Variants in ADAMTS9 observed in about 807,000 individuals in gnomAD.
ADAMTS9 encodes A disintegrin and metalloproteinase with thrombospondin motifs 9.
In ADAMTS9, 107 loss-of-function variants were observed where a neutral mutation model predicts 257.1. The ratio of observed to expected loss-of-function variants is 0.42; its 90% CI spans 0.36 to 0.49. ADAMTS9 has a LOEUF of 0.49. ADAMTS9 is among the 20% of genes least tolerant of loss of function. The probability of loss-of-function intolerance (pLI) is 0.03; values close to 1 mark genes in which losing one functional copy is unlikely to be tolerated. For synonymous variants in ADAMTS9, 982 were observed against 880.9 expected, an observed-to-expected ratio of 1.11 and a Z score of -2.03; for missense variants, 2,353 against 2,469.1, an observed-to-expected ratio of 0.95 and a Z score of 1.00.
intron 28 of ADAMTS9, among the ~76,000 whole-genome samples, chr3:64,590,571 A>G (rs544307066): frequency 2.4e-3 from 361 of 152,314 alleles, no homozygotes; most frequent in African/African-American, 8.4e-3. Context: ...AGTGATATTT[A>G]CAATCTTTAT....
At chr3:64,555,991 T>C (rs1421344842) in intron 30 of ADAMTS9, among the ~76,000 whole-genome samples, 4 of 152,238 alleles carry the variant, frequency 2.6e-5, no homozygotes, top group Admixed American at 1.3e-4. Flanking sequence ...TATCTGGCTC[T>C]GTGCGCACAT....
Position 64,655,809 on chromosome 3 carries a change from CAATT to C in ADAMTS9, c.1032_1035del (p.Ile345Ter). 1 of 1,573,026 alleles carries C rather than the reference CAATT, an allele frequency of 6.4e-7. No individual in the cohort carries two copies. Among genetic ancestry groups the C allele is most frequent in the Non-Finnish European group, 8.6e-7 (1 of 1,162,844 alleles). On this transcript the variant is annotated frameshift_variant, in exon 5 of 40. Coordinates refer to ENST00000498707, the MANE Select transcript of ADAMTS9 (RefSeq NM_182920.2). LOFTEE classifies it high-confidence loss of function. ...TTTATTACCTGTTCATTATGAATCA[CAATT>C]AAGTTCACAATAACAATATTAATTA...
intron 3 of ADAMTS9, among the ~76,000 whole-genome samples, chr3:64,675,520 G>C (rs886586545): frequency 1.6e-4 from 24 of 152,166 alleles, no homozygotes; most frequent in Non-Finnish European, 3.1e-4. Flanking sequence ...TTGGGAGGCT[G>C]AGGTGTAAGG....
rs768865338 is a variant in ADAMTS9 at position 64,613,516 on chromosome 3, T to A, written c.3190-7A>T. 2.7e-5 allele frequency: 44 copies of A among 1,611,674 alleles called. No individual in the cohort carries two copies. The Admixed American group carries it at 7.4e-4, about 27-fold the overall frequency. ...TTCCACAGGTGACCAAGCACTGTAA[T>A]GAAAAGCGGAGCTAGTCAGGGTCAT... is the stretch of plus-strand genomic sequence containing the variant. On this transcript the variant is annotated splice_region_variant and splice_polypyrimidine_tract_variant and intron_variant, in intron 21 of 39. Coordinates refer to ENST00000498707, the MANE Select transcript of ADAMTS9 (RefSeq NM_182920.2).
At chr3:64,633,037 G>A (rs756830656) in intron 14 of ADAMTS9, among the ~76,000 whole-genome samples, 11 of 152,086 alleles carry the variant, frequency 7.2e-5, no homozygotes, top group African/African-American at 1.2e-4. Flanking sequence ...AAAAATGATC[G>A]TGGTTAAAAA....
At chr3:64,657,983 A>T (rs1468446952) in intron 4 of ADAMTS9, among the ~76,000 whole-genome samples, 2 of 152,166 alleles carry the variant, frequency 1.3e-5, no homozygotes, top group Non-Finnish European at 2.9e-5. Flanking sequence ...AATCCTGGGG[A>T]AGAGGCTATT....
At chr3:64,518,306 T>A (rs1407573312) in intron 39 of ADAMTS9, among the ~76,000 whole-genome samples, 2 of 152,174 alleles carry the variant, frequency 1.3e-5, no homozygotes, top group African/African-American at 4.8e-5. Context: ...ACAGAAATAA[T>A]CCTAAATGTC....
intron 23 of ADAMTS9, 55 bp from the exon 24 acceptor site, chr3:64,604,386 A>G (rs2084522373): frequency 1.2e-5 from 15 of 1,269,812 alleles, no homozygotes; most frequent in Non-Finnish European, 1.7e-5. Flanking sequence ...ATGCACTTTC[A>G]AGGTAATGGT....
At chr3:64,614,261 C>A (rs2084719506) in intron 21 of ADAMTS9, among the ~76,000 whole-genome samples, 1 of 151,966 alleles carries the variant, frequency 6.6e-6, no homozygotes, top group Non-Finnish European at 1.5e-5. Flanking sequence ...AAATTTAAAC[C>A]TACTACTTAT....
intron 3 of ADAMTS9, among the ~76,000 whole-genome samples, chr3:64,676,615 C>T (rs1331172161): frequency 1.3e-5 from 2 of 152,126 alleles, no homozygotes; most frequent in African/African-American, 4.8e-5. Flanking sequence ...TTCAGGCCAT[C>T]ATTTTTAACA....
At chr3:64,621,761 C>CA (rs1401460223) in intron 18 of ADAMTS9, among the ~76,000 whole-genome samples, 8 of 124,896 alleles carry the variant, frequency 6.4e-5, no homozygotes, top group Non-Finnish European at 1.3e-4. Context: ...GACTCCATCT[C>CA]AAAAAAATAA....
chr3:64,661,709 A>G (rs13320442), intron 3 of ADAMTS9, among the ~76,000 whole-genome samples: 52,224 of 151,948 alleles, frequency 0.34, 9,235 homozygotes, highest in Admixed American at 0.41. Flanking sequence ...TATTTTCACG[A>G]AGATTTTTGC....
In ADAMTS9 at chr3:64,656,847, A is replaced by G. The variant is rs192141851; in HGVS notation, c.970-972T>C. Reference sequence around the variant, plus strand: ...AAAAAGGCAAGGAGTACCATAGGCCACAAGGGGGGAAGAAGAAACCCTAAA... The same window carrying G: ...AAAAAGGCAAGGAGTACCATAGGCCGCAAGGGGGGAAGAAGAAACCCTAAA... On this transcript the variant is annotated intron_variant, in intron 4 of 39. Transcript: ENST00000498707. Among the ~76,000 whole-genome samples, 77 of 152,224 alleles carry G rather than the reference A, an allele frequency of 5.1e-4. 1 individual carries two copies. The highest frequency in any genetic ancestry group is 1.3e-3 in the Admixed American group (20 of 15,298).
intron 26 of ADAMTS9, among the ~76,000 whole-genome samples, chr3:64,597,200 T>A (rs2084383401): frequency 6.6e-6 from 1 of 152,164 alleles, no homozygotes; most frequent in Non-Finnish European, 1.5e-5. Context: ...AGGGCAGAAA[T>A]GTGTCTTCTC....
intron 38 of ADAMTS9, among the ~76,000 whole-genome samples, chr3:64,524,263 A>T (rs2106874777): frequency 6.6e-6 from 1 of 152,324 alleles, no homozygotes; most frequent in African/African-American, 2.4e-5. Flanking sequence ...CTTCAATCTC[A>T]TTTTCAATTG....
chr3:64,605,397 A>G (rs931524579), intron 23 of ADAMTS9, among the ~76,000 whole-genome samples: 4 of 151,606 alleles, frequency 2.6e-5, no homozygotes, highest in African/African-American at 9.6e-5. Flanking sequence ...ATTTTTTATT[A>G]TAAGTCACAT....
intron 22 of ADAMTS9, among the ~76,000 whole-genome samples, chr3:64,609,487 T>C (rs1045004678): frequency 1.3e-5 from 2 of 151,540 alleles, no homozygotes; most frequent in Admixed American, 6.6e-5. Context: ...ACATCAGCAA[T>C]GAACAATCCC....
At chr3:64,591,921 G>T (rs962341997) in intron 28 of ADAMTS9, among the ~76,000 whole-genome samples, 2 of 152,076 alleles carry the variant, frequency 1.3e-5, no homozygotes, top group African/African-American at 4.8e-5. Flanking sequence ...TTTTATTGTT[G>T]TTAGTTTCAC....
chr3:64,668,049 G>A (rs1204390286), intron 3 of ADAMTS9, among the ~76,000 whole-genome samples: 2 of 152,150 alleles, frequency 1.3e-5, no homozygotes, highest in Non-Finnish European at 2.9e-5. Context: ...TCTCTTAGCA[G>A]TAGCGGGAGA....
Sources: gnomAD v4.1 joint callset for allele counts (sites outside exome capture counted in the v4.1 genomes callset) on GRCh38, gnomAD v4.1.1 for gene constraint, MANE v1.5 for transcripts, NCBI Gene and HGNC (gene_info 2026-07-23, HGNC 2026-07-21) for gene names.